The following TSHZ1 variants were observed in gnomAD, a reference collection of about 807,000 sequenced individuals.
The protein encoded by TSHZ1 is teashirt homolog 1.
In TSHZ1, 12 loss-of-function variants were observed where a neutral mutation model predicts 67.1. The observed-to-expected ratio is 0.18, with a 90% confidence interval of 0.11 to 0.29. The LOEUF (loss-of-function observed/expected upper bound fraction) is 0.29, where lower values mean the gene tolerates loss of function less well. Among genes scored for constraint, TSHZ1 ranks in the 10% least tolerant of loss-of-function variants. TSHZ1 has a pLI of 1.00. For synonymous variants in TSHZ1, 632 were observed against 622.4 expected (o/e 1.02, Z -0.23); for missense variants, 1,305 against 1,413.9 (o/e 0.92, Z 1.23).
In TSHZ1 at chr18:75,285,877, C is replaced by A. The variant is rs200439069; in HGVS notation, c.470C>A (p.Thr157Asn). The change falls in exon 2 of 2, where the codon ACC (threonine) becomes AAC (asparagine). Residue 157 changes from threonine to asparagine, a missense_variant. This residue lies in a region of TSHZ1 where 358 missense variants were observed against 375.6 expected (regional missense o/e 0.95). Transcript: ENST00000580243. ...DASQKESSAP[T>N]PTPPTCPVST... is the part of the protein sequence containing the mutation. ...AGCCAGAAGGAGAGCTCCGCCCCCA[C>A]CCCCACACCCCCCACCTGCCCCGTC... 6.5e-7 allele frequency: 1 copy of A among 1,539,952 alleles called. No individual in the cohort carries two copies. Among genetic ancestry groups the A allele is most frequent in the Non-Finnish European group, 8.8e-7 (1 of 1,140,872 alleles).
chr18:75,263,124 G>T (rs1047101661), intron 1 of TSHZ1, among the ~76,000 whole-genome samples: 2 of 152,150 alleles, frequency 1.3e-5, no homozygotes, highest in Non-Finnish European at 2.9e-5. Flanking sequence ...TATTCAGTAT[G>T]CAGGTTCGTT....
chr18:75,280,666 G>A, intron 1 of TSHZ1: 3 of 848,192 alleles, frequency 3.5e-6, no homozygotes, highest in Non-Finnish European at 4.3e-6. Context: ...TTTCTTTCCT[G>A]TGGAAAAGGT....
intron 1 of TSHZ1, among the ~76,000 whole-genome samples, chr18:75,255,779 A>C (rs760188634): frequency 3.4e-4 from 52 of 152,260 alleles, no homozygotes; most frequent in Non-Finnish European, 6.6e-4. Context: ...CAGTTACAAA[A>C]ACAAAAGATA....
chr18:75,247,355 AG>A (rs1293903212), intron 1 of TSHZ1, among the ~76,000 whole-genome samples: 1 of 152,276 alleles, frequency 6.6e-6, no homozygotes, highest in East Asian at 1.9e-4. Context: ...TCTCTCAGTG[AG>A]TGGAGTCCCT....
intron 1 of TSHZ1, among the ~76,000 whole-genome samples, chr18:75,226,631 C>T (rs1394982226): frequency 6.6e-6 from 1 of 150,792 alleles, no homozygotes; most frequent in Non-Finnish European, 1.5e-5. Context: ...ACAAAATCCT[C>T]ATACAGGGCA....
At position 75,281,680 on chromosome 18, in the gene TSHZ1, G is replaced by A. The variant is rs1248131082; in HGVS notation, c.41-3768G>A. ...GGGCAAGAGCAGGAGGCAGACCTGG[G>A]GATGCGGCAGCTCAGAACGGGGAGC... On this transcript the variant is annotated intron_variant, in intron 1 of 1. Transcript: ENST00000580243. This position sits in a 1 kb window ranked among gnomAD's most constrained non-coding sequence, Gnocchi z 5.3. 6.6e-6 allele frequency among the ~76,000 whole-genome samples: 1 copy of A among 152,160 alleles called. No individual in the cohort carries two copies. Among genetic ancestry groups the A allele is most frequent in the Non-Finnish European group, 1.5e-5 (1 of 68,024 alleles).
chr18:75,277,902 C>T (rs534106585), intron 1 of TSHZ1, among the ~76,000 whole-genome samples: 3 of 152,268 alleles, frequency 2.0e-5, no homozygotes, highest in South Asian at 4.1e-4. Context: ...AGTGGTTGTT[C>T]CAGTGGGGAA....
chr18:75,284,057 T>G (rs2023719877), intron 1 of TSHZ1: 2 of 152,662 alleles, frequency 1.3e-5, no homozygotes, highest in East Asian at 3.8e-4. Flanking sequence ...CCCAAGTTGT[T>G]GATGGAACTG....
intron 1 of TSHZ1, among the ~76,000 whole-genome samples, chr18:75,235,203 A>G (rs2023052066): frequency 2.0e-5 from 3 of 152,166 alleles, no homozygotes; most frequent in Admixed American, 2.0e-4. Flanking sequence ...GGGGATGTAA[A>G]TAAGAAATAA....
chr18:75,214,269 T>C (rs2022737600), intron 1 of TSHZ1, among the ~76,000 whole-genome samples: 1 of 152,220 alleles, frequency 6.6e-6, no homozygotes, highest in Non-Finnish European at 1.5e-5. Context: ...AATATTTACA[T>C]TGGCATAAGT....
At chr18:75,257,675 T>C (rs1245594509) in intron 1 of TSHZ1, among the ~76,000 whole-genome samples, 1 of 151,954 alleles carries the variant, frequency 6.6e-6, no homozygotes, top group Non-Finnish European at 1.5e-5. Flanking sequence ...TGCTTTTGCC[T>C]CTGGGATCTC....
At chr18:75,275,499 A>G (rs902715373) in intron 1 of TSHZ1, among the ~76,000 whole-genome samples, 5 of 152,102 alleles carry the variant, frequency 3.3e-5, no homozygotes, top group African/African-American at 9.7e-5. Flanking sequence ...GTTTCTTTAC[A>G]CTCATTTCAG....
In TSHZ1 at chr18:75,210,860, G is replaced by A. The variant is rs1408029910; in HGVS notation, c.-1017G>A. ...GTTATATTTCACTGAAAAGAGGAGAGAGCGAGAGTGCATCTCCCTCTCTCC... is the reference window on the plus strand; with the variant it reads ...GTTATATTTCACTGAAAAGAGGAGAAAGCGAGAGTGCATCTCCCTCTCTCC... On this transcript the variant is annotated 5_prime_UTR_variant, in exon 1 of 2. Transcript: ENST00000580243. 1 of 148,166 alleles carries A rather than the reference G, an allele frequency of 6.7e-6. No homozygotes were observed. The highest frequency in any genetic ancestry group is 1.5e-5 in the Non-Finnish European group (1 of 67,386). The allele number at this position is 148,166 out of a possible 1,614,324, so 9.2% of individuals were successfully genotyped here.
intron 1 of TSHZ1, among the ~76,000 whole-genome samples, chr18:75,257,998 G>A (rs2023382800): frequency 1.3e-5 from 2 of 152,222 alleles, no homozygotes; most frequent in Admixed American, 1.3e-4. Context: ...TAGCAGAGCG[G>A]GAAGAGAGGA....
At chr18:75,243,631 T>A (rs1467347948) in intron 1 of TSHZ1, among the ~76,000 whole-genome samples, 1 of 152,092 alleles carries the variant, frequency 6.6e-6, no homozygotes, top group Non-Finnish European at 1.5e-5. Context: ...TGGAAAAGGG[T>A]CTCCTCCTTG....
At chr18:75,284,261 A>T (rs1360260095) in intron 1 of TSHZ1, 1 of 152,642 alleles carries the variant, frequency 6.6e-6, no homozygotes, top group Non-Finnish European at 1.5e-5. Context: ...AGCCTCATCC[A>T]TGGGACAACT....
At chr18:75,233,514 T>G (rs1255699559) in intron 1 of TSHZ1, among the ~76,000 whole-genome samples, 1 of 152,240 alleles carries the variant, frequency 6.6e-6, no homozygotes, top group African/African-American at 2.4e-5. Flanking sequence ...TGGGTGTGGA[T>G]CACCAGTTGT....
At chr18:75,271,888 G>A (rs2023562422) in intron 1 of TSHZ1, among the ~76,000 whole-genome samples, 1 of 152,094 alleles carries the variant, frequency 6.6e-6, no homozygotes, top group Non-Finnish European at 1.5e-5. Flanking sequence ...AATGAATCTG[G>A]TAACAGAGAG....
intron 1 of TSHZ1, among the ~76,000 whole-genome samples, chr18:75,264,749 T>C (rs1019524347): frequency 3.3e-5 from 5 of 152,204 alleles, no homozygotes; most frequent in African/African-American, 1.2e-4. Flanking sequence ...TATCAGGGTA[T>C]GCATACTTAA....
Sources: gnomAD v4.1 joint callset for allele counts (sites outside exome capture counted in the v4.1 genomes callset) on GRCh38, gnomAD v4.1.1 for gene constraint, gnomAD v4.1.1 regional missense constraint, Gnocchi (gnomAD v3.1) non-coding constraint, MANE v1.5 for transcripts, NCBI Gene and HGNC (gene_info 2026-07-23, HGNC 2026-07-21) for gene names.